SLIT2: variants seen among roughly 807,000 people sequenced by gnomAD.
SLIT2 encodes slit homolog 2 protein.
A neutral mutation model predicts 185.7 loss-of-function variants in SLIT2; 41 were observed. The ratio of observed to expected loss-of-function variants is 0.22; its 90% confidence interval spans 0.17 to 0.29. The LOEUF (loss-of-function observed/expected upper bound fraction) is 0.29, where lower values mean the gene tolerates loss of function less well. Ranked by LOEUF, SLIT2 falls within the 10% of genes least tolerant of loss-of-function variation. SLIT2 has a pLI of 1.00. For synonymous variants in SLIT2, 693 were observed against 680.2 expected (o/e 1.02, Z -0.29); for missense variants, 1,571 against 1,909.0 (o/e 0.82, Z 3.30).
chr4:20,443,866 A>T (rs1376605917), intron 4 of SLIT2, among the ~76,000 whole-genome samples: 1 of 152,212 alleles, frequency 6.6e-6, no homozygotes, highest in Admixed American at 6.5e-5. Context: ...AGCATGGCGT[A>T]AGAACCAGGA....
chr4:20,565,459 A>G (rs1725016370), intron 26 of SLIT2, among the ~76,000 whole-genome samples: 1 of 152,000 alleles, frequency 6.6e-6, no homozygotes, highest in East Asian at 1.9e-4. Context: ...GTTAGGTATT[A>G]TGCTAATTTA....
chr4:20,511,011 A>G, intron 10 of SLIT2, 55 bp from the exon 11 acceptor site: 1 of 1,127,940 alleles, frequency 8.9e-7, no homozygotes, highest in Non-Finnish European at 1.4e-6. Context: ...CTTTTTCCGC[A>G]GTAAATCTCA....
At chr4:20,295,070 TC>T (rs2109091642) in intron 4 of SLIT2, among the ~76,000 whole-genome samples, 1 of 152,328 alleles carries the variant, frequency 6.6e-6, no homozygotes, top group African/African-American at 2.4e-5. Context: ...GAAGTGACTT[TC>T]CTTTCCAAGG....
At chr4:20,482,035 T>A (rs911558539) in intron 6 of SLIT2, among the ~76,000 whole-genome samples, 1 of 152,000 alleles carries the variant, frequency 6.6e-6, no homozygotes, top group African/African-American at 2.4e-5. Context: ...CTATTTAAAT[T>A]GTATACCAGA....
At chr4:20,538,173 G>A (rs1722472596) in intron 18 of SLIT2, among the ~76,000 whole-genome samples, 1 of 152,104 alleles carries the variant, frequency 6.6e-6, no homozygotes, top group African/African-American at 2.4e-5. Context: ...TGTTAGCCAG[G>A]ATGGTCTTGA....
chr4:20,310,092 A>G (rs1379459990), intron 4 of SLIT2, among the ~76,000 whole-genome samples: 3 of 151,968 alleles, frequency 2.0e-5, no homozygotes, highest in South Asian at 2.1e-4. Flanking sequence ...TGGTGGTTCT[A>G]TCTTCATCAG....
At chr4:20,518,944 A>G (rs1376233525) in intron 11 of SLIT2, among the ~76,000 whole-genome samples, 1 of 152,112 alleles carries the variant, frequency 6.6e-6, no homozygotes, top group Non-Finnish European at 1.5e-5. Flanking sequence ...ATAATACTTT[A>G]ACATGCTTCT....
At chr4:20,388,507 C>T (rs1013691340) in intron 4 of SLIT2, among the ~76,000 whole-genome samples, 2 of 152,002 alleles carry the variant, frequency 1.3e-5, no homozygotes, top group Non-Finnish European at 2.9e-5. Context: ...GGCATGGTGG[C>T]TCATGCCTGT....
intron 4 of SLIT2, among the ~76,000 whole-genome samples, chr4:20,456,188 G>T (rs1195384618): frequency 1.4e-5 from 1 of 71,096 alleles, no homozygotes; most frequent in Non-Finnish European, 2.8e-5. Context: ...GTGAATGAAG[G>T]GTCCTCTTAA....
intron 26 of SLIT2, among the ~76,000 whole-genome samples, chr4:20,557,851 A>G (rs1308081391): frequency 6.6e-6 from 1 of 152,008 alleles, no homozygotes; most frequent in East Asian, 1.9e-4. Context: ...TATTAACAGG[A>G]GTTTGGAAGA....
intron 4 of SLIT2, among the ~76,000 whole-genome samples, chr4:20,361,905 A>G (rs1397934254): frequency 6.6e-6 from 1 of 152,106 alleles, no homozygotes; most frequent in African/African-American, 2.4e-5. Context: ...ATATGTCCTA[A>G]ATTTTTTTTA....
chr4:20,489,070 G>A lies in SLIT2; in HGVS notation c.775+88G>A, dbSNP rs1717532174. ...AGGGCTGCATGCGTCAAAGGTTTCA[G>A]TATTGTTCACTAATGTTCAATTGTG... On this transcript the variant is annotated intron_variant, in intron 8 of 36. Transcript: ENST00000504154. 21 of 1,090,490 alleles carry A rather than the reference G, an allele frequency of 1.9e-5. No individual in the cohort carries two copies. In the South Asian group the frequency reaches 2.5e-4, roughly 13 times the overall value. The allele number at this position is 1,090,490 out of a possible 1,614,324, so 67.6% of individuals were successfully genotyped here.
intron 4 of SLIT2, among the ~76,000 whole-genome samples, chr4:20,416,056 T>G (rs765387459): frequency 3.9e-5 from 6 of 152,204 alleles, no homozygotes; most frequent in Non-Finnish European, 8.8e-5. Flanking sequence ...ACTCTATAGA[T>G]TTTATGTGTA....
intron 11 of SLIT2, among the ~76,000 whole-genome samples, chr4:20,515,682 A>T (rs1050464542): frequency 4.6e-5 from 7 of 152,160 alleles, no homozygotes; most frequent in Non-Finnish European, 1.0e-4. Context: ...TATACATTTA[A>T]AAAAATTTAT....
At chr4:20,616,880 C>G in intron 34 of SLIT2, 30 bp from the exon 35 acceptor site, 1 of 1,556,490 alleles carries the variant, frequency 6.4e-7, no homozygotes, top group Non-Finnish European at 8.7e-7. Context: ...CCCCAGAGAG[C>G]CTGACCTCTG....
chr4:20,544,449 A>C (rs1025045308), intron 21 of SLIT2, among the ~76,000 whole-genome samples: 1 of 152,082 alleles, frequency 6.6e-6, no homozygotes, highest in African/African-American at 2.4e-5. Context: ...AACTATTCAA[A>C]AAGTTGAATT....
chr4:20,338,173 A>G (rs1241768048), intron 4 of SLIT2, among the ~76,000 whole-genome samples: 1 of 152,184 alleles, frequency 6.6e-6, no homozygotes. Context: ...TCAAGTTGTC[A>G]CATCCTGACA....
At chr4:20,530,804 C>G (rs890889889) in intron 16 of SLIT2, among the ~76,000 whole-genome samples, 1 of 151,884 alleles carries the variant, frequency 6.6e-6, no homozygotes, top group African/African-American at 2.4e-5. Context: ...AGGTATTTTA[C>G]TCAGCTAATG....
chr4:20,546,001 A>G (rs1560183653), intron 21 of SLIT2, 30 bp from the exon 22 acceptor site: 2 of 1,287,644 alleles, frequency 1.6e-6, no homozygotes, highest in Non-Finnish European at 2.2e-6. Context: ...ATTACTTTGT[A>G]AGAAGATAAT....
Sources: allele counts gnomAD v4.1 joint callset (sites outside exome capture counted in the v4.1 genomes callset), GRCh38; gene constraint gnomAD v4.1.1; transcripts MANE v1.5; gene names NCBI Gene and HGNC (gene_info 2026-07-23, HGNC 2026-07-21).